The following ABTB2 variants were observed in gnomAD, a reference collection of about 807,000 sequenced individuals.
ABTB2 encodes the protein ankyrin repeat and BTB/POZ domain-containing protein 2.
A neutral mutation model predicts 104.1 loss-of-function variants in ABTB2; 56 were observed. The observed-to-expected ratio is 0.54, with a 90% CI of 0.43 to 0.67. The LOEUF is 0.67. Among genes scored for constraint, ABTB2 ranks in the 30% least tolerant of loss-of-function variants. ABTB2 has a pLI of 0.00. For synonymous variants in ABTB2, 606 were observed against 608.2 expected (o/e 1.00, Z 0.05); for missense variants, 1,279 against 1,407.7 (o/e 0.91, Z 1.46).
At chr11:34,324,949 CAGTT>C (rs1386621295) in intron 1 of ABTB2, among the ~76,000 whole-genome samples, 2 of 152,214 alleles carry the variant, frequency 1.3e-5, no homozygotes, top group African/African-American at 4.8e-5. Context: ...GATTCGGTCA[CAGTT>C]AGAGTGCTTT....
At chr11:34,302,763 G>C (rs1054071576) in intron 1 of ABTB2, among the ~76,000 whole-genome samples, 1 of 152,182 alleles carries the variant, frequency 6.6e-6, no homozygotes, top group African/African-American at 2.4e-5. Context: ...GGGGTAGTAG[G>C]CTTAGGTGAC....
intron 3 of ABTB2, among the ~76,000 whole-genome samples, chr11:34,176,369 C>T (rs1852961319): frequency 6.6e-6 from 1 of 151,714 alleles, no homozygotes. Context: ...GCCATGAATG[C>T]ATGTTGTCTT....
intron 10 of ABTB2, 127 bp from the exon 11 acceptor site, chr11:34,161,208 C>T (rs1565127965): frequency 1.0e-6 from 1 of 952,438 alleles, no homozygotes; most frequent in Non-Finnish European, 1.5e-6. Context: ...CCGCCCGCCC[C>T]CTCCCGCCTG....
chr11:34,276,234 A>G (rs1854380437), intron 1 of ABTB2, among the ~76,000 whole-genome samples: 1 of 151,770 alleles, frequency 6.6e-6, no homozygotes, highest in Admixed American at 6.6e-5. Context: ...AAAAAAAAAA[A>G]GTTCTGATTC....
intron 2 of ABTB2, among the ~76,000 whole-genome samples, chr11:34,200,455 G>T (rs373647326): frequency 2.9e-4 from 44 of 152,086 alleles, no homozygotes; most frequent in African/African-American, 1.0e-3. Flanking sequence ...CGGCTTCTTC[G>T]ATCCAAGCCC....
chr11:34,258,197 A>G (rs542354745), intron 1 of ABTB2, among the ~76,000 whole-genome samples: 3 of 152,222 alleles, frequency 2.0e-5, no homozygotes, highest in Non-Finnish European at 4.4e-5. Context: ...ATGTTGGCCT[A>G]TAAACTTTGT....
At chr11:34,291,816 T>A (rs545950613) in intron 1 of ABTB2, among the ~76,000 whole-genome samples, 64 of 152,298 alleles carry the variant, frequency 4.2e-4, no homozygotes, top group African/African-American at 1.5e-3. Context: ...ATTTTTTTAA[T>A]TTTTAAAAAA....
intron 1 of ABTB2, among the ~76,000 whole-genome samples, chr11:34,288,728 G>A (rs920848733): frequency 7.6e-6 from 1 of 132,438 alleles, no homozygotes; most frequent in African/African-American, 2.9e-5. Flanking sequence ...CTGCAGGCTA[G>A]GCCTCTGTGT....
Position 34,172,414 on chromosome 11 carries a change from A to G in ABTB2, c.1397+741T>C, listed in dbSNP as rs61880407. Among the ~76,000 whole-genome samples the G allele has an allele frequency of 9.4e-4, 63 of 67,240 alleles. 4 individuals carry two copies. The highest frequency in any genetic ancestry group is 2.7e-3 in the African/African-American group (53 of 19,488). The allele number at this position is 67,240 out of a possible 152,430, so 44.1% of individuals were successfully genotyped here. A position where few individuals can be genotyped will look rare whatever the true frequency, so the allele number is the denominator to read the frequency against. On this transcript the variant is annotated intron_variant, in intron 4 of 16. Coordinates refer to ENST00000435224, the MANE Select transcript of ABTB2 (RefSeq NM_145804.3). ...AAAAAAAATATATATATATATATAT[A>G]TATATGTGTGTGTGTGTGTGTATAT...
intron 1 of ABTB2, among the ~76,000 whole-genome samples, chr11:34,285,190 C>T (rs74534954): frequency 6.8e-4 from 103 of 151,888 alleles, no homozygotes; most frequent in African/African-American, 2.1e-3. Flanking sequence ...CCGAGGGGAC[C>T]GGTGGGGAGG....
chr11:34,162,227 G>A (rs1852730758), intron 10 of ABTB2, among the ~76,000 whole-genome samples: 1 of 152,240 alleles, frequency 6.6e-6, no homozygotes, highest in Non-Finnish European at 1.5e-5. Context: ...GCCTCACAGC[G>A]TGGAGTCCCG....
At position 34,162,752 on chromosome 11, in the gene ABTB2, A is replaced by G; in HGVS notation, c.2042T>C (p.Leu681Pro). 2 of 1,610,176 alleles carry G rather than the reference A, an allele frequency of 1.2e-6. No homozygotes were observed. The highest frequency in any genetic ancestry group is 1.7e-6 in the Non-Finnish European group (2 of 1,180,010). The change falls in exon 10 of 17, where the codon CTG (leucine) becomes CCG (proline). Residue 681 changes from leucine to proline, a missense_variant. Coordinates refer to ENST00000435224, the MANE Select transcript of ABTB2 (RefSeq NM_145804.3). ...CTCGGCCAGGATCTCCTCCAGGGAC[A>G]GCACGTCCGCTTTAGCCTGCTGTGG... is the stretch of plus-strand genomic sequence containing the variant. ...TQPQQAKADV[L>P]SLEEILAEGV...
At chr11:34,292,382 G>A (rs1026310757) in intron 1 of ABTB2, among the ~76,000 whole-genome samples, 3 of 151,506 alleles carry the variant, frequency 2.0e-5, no homozygotes, top group African/African-American at 7.3e-5. Context: ...CCTGAAAACA[G>A]CTAGTTTTCC....
chr11:34,242,978 G>T (rs923728642), intron 1 of ABTB2, among the ~76,000 whole-genome samples: 2 of 152,130 alleles, frequency 1.3e-5, no homozygotes, highest in African/African-American at 4.8e-5. Flanking sequence ...AGGAAGCTGG[G>T]TGTCTCTTGT....
chr11:34,251,321 C>G (rs922188085), intron 1 of ABTB2, among the ~76,000 whole-genome samples: 1 of 152,238 alleles, frequency 6.6e-6, no homozygotes, highest in Non-Finnish European at 1.5e-5. Context: ...TCAGACAGCG[C>G]TGACACTGAT....
intron 5 of ABTB2, among the ~76,000 whole-genome samples, chr11:34,168,230 G>A (rs1388139491): frequency 2.6e-5 from 4 of 152,224 alleles, no homozygotes; most frequent in African/African-American, 9.6e-5. Flanking sequence ...AGGCCGTGCA[G>A]CCAGGCTCGG....
chr11:34,274,958 G>T (rs948368000), intron 1 of ABTB2, among the ~76,000 whole-genome samples: 1 of 152,178 alleles, frequency 6.6e-6, no homozygotes, highest in Non-Finnish European at 1.5e-5. Context: ...CAGCAGCCTG[G>T]ATGCTCCGAC....
chr11:34,179,996 A>G (rs1284484160), intron 3 of ABTB2, among the ~76,000 whole-genome samples: 1 of 152,246 alleles, frequency 6.6e-6, no homozygotes, highest in East Asian at 1.9e-4. Flanking sequence ...GGAACATGGT[A>G]ACTTCTCCAT....
chr11:34,181,183 G>A (rs1397496176), intron 3 of ABTB2, among the ~76,000 whole-genome samples: 1 of 152,126 alleles, frequency 6.6e-6, no homozygotes, highest in Non-Finnish European at 1.5e-5. Context: ...GCTTATGGGC[G>A]TGAGCCACCA....
Sources: gnomAD v4.1 joint callset for allele counts (sites outside exome capture counted in the v4.1 genomes callset) on GRCh38, gnomAD v4.1.1 for gene constraint, MANE v1.5 for transcripts, NCBI Gene and HGNC (gene_info 2026-07-23, HGNC 2026-07-21) for gene names.